TBC1D5: variants seen among roughly 807,000 people sequenced by gnomAD.
TBC1D5 encodes TBC1 domain family, member 5.
Under a neutral mutation model 100.3 loss-of-function variants are expected in TBC1D5, and 75 were observed. The ratio of observed to expected loss-of-function variants is 0.75; its 90% CI spans 0.62 to 0.91. TBC1D5 has a LOEUF of 0.91. TBC1D5 is among the 40% of genes least tolerant of loss of function. The pLI, the probability that TBC1D5 is intolerant of heterozygous loss-of-function variation, is 0.00. For missense variants in TBC1D5, 910 were observed against 942.4 expected (o/e 0.97, Z 0.45); for synonymous variants, 323 against 325.6 (o/e 0.99, Z 0.09).
At chr3:17,347,916 T>C (rs1032716090) in intron 13 of TBC1D5, among the ~76,000 whole-genome samples, 2 of 152,022 alleles carry the variant, frequency 1.3e-5, no homozygotes, top group African/African-American at 2.4e-5. Flanking sequence ...CGTGGGAGGA[T>C]CCCTTGAGTC....
chr3:17,356,588 G>A (rs910445621), intron 13 of TBC1D5, among the ~76,000 whole-genome samples: 1 of 152,122 alleles, frequency 6.6e-6, no homozygotes, highest in Non-Finnish European at 1.5e-5. Flanking sequence ...CGGATAAAAA[G>A]CATAAACTGA....
At chr3:17,713,154 A>C (rs945498902) in intron 1 of TBC1D5, among the ~76,000 whole-genome samples, 3 of 152,154 alleles carry the variant, frequency 2.0e-5, no homozygotes, top group Non-Finnish European at 4.4e-5. Context: ...TACTTCTTAG[A>C]TATGACACCA....
chr3:17,385,708 C>A (rs958392373), intron 8 of TBC1D5, among the ~76,000 whole-genome samples: 1 of 151,420 alleles, frequency 6.6e-6, no homozygotes, highest in Admixed American at 6.6e-5. Context: ...TTTTTCCTAC[C>A]TTTTCTGTGG....
chr3:17,551,690 A>G (rs2096475012), intron 2 of TBC1D5, among the ~76,000 whole-genome samples: 1 of 152,182 alleles, frequency 6.6e-6, no homozygotes, highest in African/African-American at 2.4e-5. Context: ...CATTCTCAAT[A>G]CATTTGAAAA....
intron 8 of TBC1D5, among the ~76,000 whole-genome samples, chr3:17,389,848 G>T (rs926429732): frequency 2.0e-5 from 3 of 152,212 alleles, no homozygotes; most frequent in Admixed American, 6.5e-5. Context: ...GCTACCAACT[G>T]TTAATGATCA....
chr3:17,525,313 TAG>T (rs1255127512), intron 2 of TBC1D5, among the ~76,000 whole-genome samples: 1 of 152,112 alleles, frequency 6.6e-6, no homozygotes, highest in African/African-American at 2.4e-5. Context: ...TTATTTTTAG[TAG>T]AGATGGGGTT....
rs200775022 is a variant in TBC1D5 at position 17,455,502 on chromosome 3, ATG to A, written c.98-26985_98-26984del. ...TATGTATATATATGTGTATATATAT[ATG>A]TGTGTGTGTATATATATATATATAT... On this transcript the variant is annotated intron_variant, in intron 3 of 21. Transcript: ENST00000253692. Among the ~76,000 whole-genome samples, 207 of 120,982 alleles carry A rather than the reference ATG, an allele frequency of 1.7e-3. 1 individual carries two copies. Among genetic ancestry groups the A allele is most frequent in the African/African-American group, 7.3e-3 (189 of 25,802 alleles). 79.4% of individuals were successfully genotyped at this position (120,982 alleles called of 152,430 possible).
At chr3:17,727,692 G>A (rs1044251785) in intron 1 of TBC1D5, among the ~76,000 whole-genome samples, 51 of 152,014 alleles carry the variant, frequency 3.4e-4, no homozygotes, top group Non-Finnish European at 3.5e-4. Context: ...ATAAACAAAG[G>A]AATACTCCAC....
At chr3:17,251,509 T>C (rs992365763) in intron 16 of TBC1D5, among the ~76,000 whole-genome samples, 1 of 141,022 alleles carries the variant, frequency 7.1e-6, no homozygotes, top group African/African-American at 2.5e-5. Flanking sequence ...GGCTAATACC[T>C]GCTACATCTA....
chr3:17,578,433 T>TGGG (rs1054924058), intron 2 of TBC1D5, among the ~76,000 whole-genome samples: 140 of 152,154 alleles, frequency 9.2e-4, no homozygotes, highest in African/African-American at 3.2e-3. Flanking sequence ...GAACATGAAC[T>TGGG]TAAACCCATT....
intron 17 of TBC1D5, among the ~76,000 whole-genome samples, chr3:17,222,611 A>G (rs1332207409): frequency 6.6e-6 from 1 of 152,112 alleles, no homozygotes; most frequent in African/African-American, 2.4e-5. Context: ...GAGAAATCTG[A>G]TGTCTATCTG....
At chr3:17,667,701 C>T (rs1173191910) in intron 1 of TBC1D5, among the ~76,000 whole-genome samples, 1 of 152,126 alleles carries the variant, frequency 6.6e-6, no homozygotes, top group Non-Finnish European at 1.5e-5. Flanking sequence ...ATCTACCCGC[C>T]TCAACCTCCC....
intron 18 of TBC1D5, among the ~76,000 whole-genome samples, chr3:17,213,286 T>A (rs148407747): frequency 1.0e-3 from 152 of 152,350 alleles, no homozygotes; most frequent in Middle Eastern, 3.4e-3. Flanking sequence ...GTACACTCTA[T>A]GATGTTTGCA....
chr3:17,428,438 T>TATA lies in TBC1D5; in HGVS notation c.167+11_167+12insTAT. On this transcript the variant is annotated intron_variant, in intron 4 of 21. Transcript: ENST00000253692. ...ATATATATATATATATATATATGTA[T>TATA]TCATCACCTACCTATAGGAATTAAA... 9.8e-7 allele frequency: 1 copy of TATA among 1,020,550 alleles called. No homozygotes were observed. 63.2% of individuals were successfully genotyped at this position (1,020,550 alleles called of 1,614,324 possible). A position where few individuals can be genotyped will look rare whatever the true frequency, so the allele number is the denominator to read the frequency against.
At chr3:17,542,800 G>A (rs1049934296) in intron 2 of TBC1D5, among the ~76,000 whole-genome samples, 21 of 152,186 alleles carry the variant, frequency 1.4e-4, no homozygotes, top group African/African-American at 4.1e-4. Context: ...TGCATTCCAG[G>A]AACAAATCCC....
At chr3:17,568,151 G>T (rs1460542199) in intron 2 of TBC1D5, among the ~76,000 whole-genome samples, 1 of 151,320 alleles carries the variant, frequency 6.6e-6, no homozygotes, top group Admixed American at 6.6e-5. Context: ...TAATATTTTA[G>T]AACAAATGAC....
intron 2 of TBC1D5, among the ~76,000 whole-genome samples, chr3:17,568,204 A>T (rs976721241): frequency 6.6e-6 from 1 of 151,396 alleles, no homozygotes; most frequent in African/African-American, 2.4e-5. Flanking sequence ...AAGAATATAA[A>T]ATATATATAT....
exon 15 of TBC1D5, chr3:17,291,897 TTGG>T: frequency 6.2e-7 from 1 of 1,612,726 alleles, no homozygotes; most frequent in Non-Finnish European, 8.5e-7. Flanking sequence ...AAGCTTACCT[TTGG>T]ATCTCTAAGG....
intron 2 of TBC1D5, among the ~76,000 whole-genome samples, chr3:17,602,392 A>T (rs2061017305): frequency 6.6e-6 from 1 of 152,062 alleles, no homozygotes; most frequent in Non-Finnish European, 1.5e-5. Context: ...TCCGAAATAC[A>T]CGATCCCTGG....
Sources: gnomAD v4.1 joint callset for allele counts (sites outside exome capture counted in the v4.1 genomes callset) on GRCh38, gnomAD v4.1.1 for gene constraint, MANE v1.5 for transcripts, NCBI Gene and HGNC (gene_info 2026-07-23, HGNC 2026-07-21) for gene names.